The following PCDHGA2 variants were observed in gnomAD, a reference collection of about 807,000 sequenced individuals.
PCDHGA2 encodes the protein protocadherin gamma subfamily A, 2, also known as protocadherin gamma-A2.
A neutral mutation model predicts 59.2 loss-of-function variants in PCDHGA2; 40 were observed. The ratio of observed to expected loss-of-function variants is 0.68; its 90% CI spans 0.52 to 0.88. The LOEUF is 0.88. PCDHGA2 is among the 40% of genes least tolerant of loss of function. The pLI is 0.00. For synonymous variants in PCDHGA2, 560 were observed against 526.0 expected (o/e 1.06, Z -0.89); for missense variants, 1,226 against 1,204.0 (o/e 1.02, Z -0.27).
chr5:141,382,360 A>C (rs1310834058), intron 1 of PCDHGA2, among the ~76,000 whole-genome samples: 1 of 152,210 alleles, frequency 6.6e-6, no homozygotes, highest in Non-Finnish European at 1.5e-5. Flanking sequence ...ATTTAAATAA[A>C]ATTTACCTTT....
chr5:141,408,669 C>T lies in PCDHGA2; in HGVS notation c.2424+67274C>T, dbSNP rs2095146839. ...GCTGGTACACGACTATCGCTTGACCCTGCCACGGATCCTGATATAAACATA... is the reference window on the plus strand; with the variant it reads ...GCTGGTACACGACTATCGCTTGACCTTGCCACGGATCCTGATATAAACATA... On this transcript the variant is annotated intron_variant, in intron 1 of 3. Transcript: ENST00000394576. The T allele has an allele frequency of 2.5e-6, 4 of 1,613,988 alleles. No homozygotes were observed. Among genetic ancestry groups the T allele is most frequent in the South Asian group, 2.2e-5 (2 of 91,078 alleles).
chr5:141,351,628 C>T lies in PCDHGA2; in HGVS notation c.2424+10233C>T, dbSNP rs1481594120. 4.3e-6 allele frequency: 7 copies of T among 1,613,956 alleles called. No homozygotes were observed. In the Admixed American group the frequency reaches 1.0e-4, roughly 23 times the overall value. ...TCCATCAGGCCTCCTATGTGGTCCA[C>T]GTGTCTGAGAACAACCCACCTGGCG... On this transcript the variant is annotated intron_variant, in intron 1 of 3. Transcript: ENST00000394576.
In PCDHGA2 at chr5:141,432,877, C is replaced by T. The variant is rs375043811; in HGVS notation, c.2425-61930C>T. 108 of 1,614,082 alleles carry T rather than the reference C, an allele frequency of 6.7e-5. No homozygotes were observed. Among genetic ancestry groups the T allele is most frequent in the Non-Finnish European group, 7.6e-5 (90 of 1,180,018 alleles). On this transcript the variant is annotated intron_variant, in intron 1 of 3. Coordinates refer to ENST00000394576, the MANE Select transcript of PCDHGA2 (RefSeq NM_018915.4). The surrounding 1 kb of genome is among the most constrained non-coding windows in gnomAD (Gnocchi z 6.0). Reference sequence around the variant, plus strand: ...CCGCGGTCTCCTGCGTCTTCCTGGCCTTCGTCATCTTGCTGCTGGCGCTCA... The same window carrying T: ...CCGCGGTCTCCTGCGTCTTCCTGGCTTTCGTCATCTTGCTGCTGGCGCTCA...
intron 1 of PCDHGA2, chr5:141,394,201 A>G (rs764975219): frequency 2.5e-6 from 4 of 1,613,874 alleles, no homozygotes; most frequent in Admixed American, 1.7e-5. Context: ...TATATCCTAG[A>G]GAACAACCTG....
chr5:141,506,435 G>A (rs1470687416), intron 3 of PCDHGA2, among the ~76,000 whole-genome samples: 7 of 126,234 alleles, frequency 5.5e-5, no homozygotes, highest in African/African-American at 2.0e-4. Context: ...CAACAGTCTC[G>A]CTCTGTCTCA....
chr5:141,469,802 C>T (rs2099211446), intron 1 of PCDHGA2, among the ~76,000 whole-genome samples: 1 of 152,022 alleles, frequency 6.6e-6, no homozygotes, highest in Admixed American at 6.6e-5. Flanking sequence ...ATTGCAAAAA[C>T]ATTGTAGATA....
chr5:141,369,529 T>C (rs1766316708), intron 1 of PCDHGA2, among the ~76,000 whole-genome samples: 1 of 152,170 alleles, frequency 6.6e-6, no homozygotes, highest in South Asian at 2.1e-4. Flanking sequence ...TCAATCATAC[T>C]TATTTAATTA....
chr5:141,502,862 C>T (rs2099816351), intron 2 of PCDHGA2, among the ~76,000 whole-genome samples: 1 of 68,558 alleles, frequency 1.5e-5, no homozygotes, highest in African/African-American at 1.0e-4. Context: ...CCCTGACTCT[C>T]TGTCTTTTTT....
At chr5:141,362,149 T>G (rs759063405) in intron 1 of PCDHGA2, 2 of 1,614,036 alleles carry the variant, frequency 1.2e-6, no homozygotes, top group South Asian at 2.2e-5. Flanking sequence ...GCAAGAGGTA[T>G]TGCCAGACCT....
At chr5:141,350,774 A>G in intron 1 of PCDHGA2, 6 of 1,613,968 alleles carry the variant, frequency 3.7e-6, no homozygotes, top group Non-Finnish European at 4.2e-6. Flanking sequence ...CATCAACCCC[A>G]ATCAATACTT....
chr5:141,438,347 C>T (rs150878327), intron 1 of PCDHGA2, among the ~76,000 whole-genome samples: 7 of 151,730 alleles, frequency 4.6e-5, no homozygotes, highest in Non-Finnish European at 2.9e-5. Flanking sequence ...TAAGGATCTA[C>T]TCTGTGTATT....
chr5:141,365,440 C>T, intron 1 of PCDHGA2: 3 of 1,613,954 alleles, frequency 1.9e-6, no homozygotes, highest in Non-Finnish European at 1.7e-6. Flanking sequence ...CGCTGTTTAG[C>T]GTACATGATG....
intron 1 of PCDHGA2, chr5:141,422,819 TGAGA>T (rs766395950): frequency 6.2e-7 from 1 of 1,614,188 alleles, no homozygotes; most frequent in African/African-American, 1.3e-5. Flanking sequence ...GACTTAGAAC[TGAGA>T]GTGATAGCAC....
chr5:141,342,531 G>GATT (rs1757175311), intron 1 of PCDHGA2: 1 of 152,080 alleles, frequency 6.6e-6, no homozygotes, highest in African/African-American at 2.4e-5. Context: ...TCTTTCCGTT[G>GATT]CATTTGATCA....
intron 1 of PCDHGA2, chr5:141,415,060 G>C (rs1428839232): frequency 1.2e-6 from 2 of 1,613,426 alleles, no homozygotes; most frequent in Admixed American, 1.7e-5. Flanking sequence ...GCACACGGGC[G>C]AGGTGCGCAC....
At position 141,423,462 on chromosome 5, in the gene PCDHGA2, C is replaced by A. The variant is rs371118964; in HGVS notation, c.2425-71345C>A. ...CCACGTCACATTTTGTAGGCGTGGA[C>A]GGGGTACAGGCTTTCCTGCAAACCT... On this transcript the variant is annotated intron_variant, in intron 1 of 3. Transcript: ENST00000394576. 8.1e-6 allele frequency: 13 copies of A among 1,613,808 alleles called. No homozygotes were observed. The African/African-American group carries it at 1.7e-4, about 22-fold the overall frequency.
chr5:141,473,237 A>C (rs2099317600), intron 1 of PCDHGA2, among the ~76,000 whole-genome samples: 1 of 152,194 alleles, frequency 6.6e-6, no homozygotes, highest in African/African-American at 2.4e-5. Context: ...GATCCACACA[A>C]GTGAATACAT....
Position 141,339,911 on chromosome 5 carries a change from T to G in PCDHGA2, c.940T>G (p.Phe314Val), listed in dbSNP as rs200811046. The change falls in exon 1 of 4, where the codon TTC becomes GTC. Residue 314 changes from phenylalanine (F) to valine (V), a missense_variant. Transcript: ENST00000394576. ...AGATCTAGATTATGAGGATGCTACA[T>G]TCCATGAAATTGATATTGAAGCTCA... ...IKDLDYEDAT[F>V]HEIDIEAQDG... 1 of 1,614,012 alleles carries G rather than the reference T, an allele frequency of 6.2e-7. No homozygotes were observed. The highest frequency in any genetic ancestry group is 1.3e-5 in the African/African-American group (1 of 74,922).
chr5:141,459,289 A>G (rs2098965378), intron 1 of PCDHGA2, among the ~76,000 whole-genome samples: 1 of 152,216 alleles, frequency 6.6e-6, no homozygotes, highest in Non-Finnish European at 1.5e-5. Flanking sequence ...ATCTAAATGG[A>G]ATCCTATAAC....
Sources: allele counts gnomAD v4.1 joint callset (sites outside exome capture counted in the v4.1 genomes callset), GRCh38; gene constraint gnomAD v4.1.1; non-coding constraint Gnocchi (gnomAD v3.1); transcripts MANE v1.5; gene names NCBI Gene and HGNC (gene_info 2026-07-23, HGNC 2026-07-21).